The following C2orf76 variants were observed in gnomAD, a reference collection of about 807,000 sequenced individuals.
C2orf76 encodes chromosome 2 open reading frame 76.
Under a neutral mutation model 16.9 loss-of-function variants are expected in C2orf76, and 23 were observed. The ratio of observed to expected loss-of-function variants is 1.36; its 90% CI spans 0.98 to 1.93. The LOEUF is 1.93. Among genes scored for constraint, C2orf76 ranks in the 30% most tolerant of loss-of-function variants. C2orf76 has a pLI of 0.00. For synonymous variants in C2orf76, 48 were observed against 52.3 expected (o/e 0.92, Z 0.35); for missense variants, 152 against 152.6 (o/e 1.00, Z 0.02).
At chr2:119,361,294 T>C (rs1680737209) in intron 1 of C2orf76, among the ~76,000 whole-genome samples, 1 of 152,240 alleles carries the variant, frequency 6.6e-6, no homozygotes, top group South Asian at 2.1e-4. Context: ...ACACTTTTAT[T>C]ACAATATATG....
At chr2:119,326,904 AAT>A (rs1679525524) in intron 2 of C2orf76, among the ~76,000 whole-genome samples, 1 of 152,172 alleles carries the variant, frequency 6.6e-6, no homozygotes, top group African/African-American at 2.4e-5. Flanking sequence ...CTTATATCTT[AAT>A]ATCTTATAAC....
At chr2:119,292,420 C>A in the C2orf76 span, among the ~76,000 whole-genome samples, 1 of 152,188 alleles carries the variant, frequency 6.6e-6, no homozygotes. Flanking sequence ...CGCCTCCGGG[C>A]ATACGCAGAG....
At chr2:119,282,104 C>T in the C2orf76 span, among the ~76,000 whole-genome samples, 1 of 151,832 alleles carries the variant, frequency 6.6e-6, no homozygotes, top group African/African-American at 2.4e-5. Flanking sequence ...CGAGATCATG[C>T]CATTGCACTC....
chr2:119,294,327 G>A, the C2orf76 span, among the ~76,000 whole-genome samples: 1 of 152,222 alleles, frequency 6.6e-6, no homozygotes, highest in Non-Finnish European at 1.5e-5. Flanking sequence ...TCTCAGCAGA[G>A]TGCTGGACGG....
At chr2:119,346,189 G>A (rs1195687721) in intron 1 of C2orf76, among the ~76,000 whole-genome samples, 1 of 152,042 alleles carries the variant, frequency 6.6e-6, no homozygotes, top group Non-Finnish European at 1.5e-5. Flanking sequence ...TTGCTGGTAG[G>A]AATGTAAAAT....
At chr2:119,352,596 T>C (rs974083282) in intron 1 of C2orf76, among the ~76,000 whole-genome samples, 1 of 152,232 alleles carries the variant, frequency 6.6e-6, no homozygotes, top group African/African-American at 2.4e-5. Context: ...GTCTCTCACT[T>C]CTGTTTTCTG....
intron 2 of C2orf76, among the ~76,000 whole-genome samples, chr2:119,324,742 C>A (rs577207682): frequency 1.3e-5 from 2 of 152,262 alleles, no homozygotes; most frequent in East Asian, 1.9e-4. Context: ...TCCTGCAGCA[C>A]TGAGAAGGGT....
At chr2:119,317,658 A>G (rs544458550) in intron 3 of C2orf76, among the ~76,000 whole-genome samples, 155 bp from the exon 4 acceptor site, 30 of 152,292 alleles carry the variant, frequency 2.0e-4, no homozygotes, top group African/African-American at 7.0e-4. Flanking sequence ...GCAAAAGAAA[A>G]ATTACTTCTG....
upstream of C2orf76, chr2:119,367,045 G>A: frequency 6.2e-7 from 1 of 1,614,078 alleles, no homozygotes; most frequent in Non-Finnish European, 8.5e-7. Context: ...CTTGCAAGTC[G>A]GCCAGGATGT....
At chr2:119,348,046 CA>C (rs1205382710) in intron 1 of C2orf76, among the ~76,000 whole-genome samples, 42,582 of 82,640 alleles carry the variant, frequency 0.52, 7,113 homozygotes, top group East Asian at 0.72. Context: ...GGCTCTGTCT[CA>C]AAAAAAAAAA....
At chr2:119,366,983 A>T (rs554658044), upstream of C2orf76, 1 of 1,606,666 alleles carries the variant, frequency 6.2e-7, no homozygotes, top group Non-Finnish European at 8.5e-7. Flanking sequence ...TGCCAGTGCA[A>T]TCTGGGCGAT....
intron 1 of C2orf76, chr2:119,340,301 A>C: frequency 5.0e-6 from 1 of 201,600 alleles, no homozygotes; most frequent in Non-Finnish European, 1.0e-5. Flanking sequence ...GCCGAACACA[A>C]ACACACAGCA....
At chr2:119,294,335 C>T in the C2orf76 span, among the ~76,000 whole-genome samples, 45 of 152,102 alleles carry the variant, frequency 3.0e-4, no homozygotes, top group Non-Finnish European at 2.9e-4. Flanking sequence ...GAGTGCTGGA[C>T]GGAAGCCCTC....
At chr2:119,293,670 C>T in the C2orf76 span, among the ~76,000 whole-genome samples, 3 of 152,142 alleles carry the variant, frequency 2.0e-5, no homozygotes, top group Admixed American at 2.0e-4. Flanking sequence ...GTGCCTTGGA[C>T]CCAGTGGTAG....
intron 2 of C2orf76, among the ~76,000 whole-genome samples, chr2:119,325,050 T>C (rs1679462894): frequency 6.6e-6 from 1 of 150,596 alleles, no homozygotes; most frequent in African/African-American, 2.5e-5. Flanking sequence ...TCTAAGAAAT[T>C]GGTGGCCGAG....
At chr2:119,342,359 C>T (rs549579675) in intron 1 of C2orf76, among the ~76,000 whole-genome samples, 2 of 152,192 alleles carry the variant, frequency 1.3e-5, no homozygotes, top group Non-Finnish European at 2.9e-5. Context: ...CCCTGTAATA[C>T]CTGCACTTTG....
chr2:119,310,822 C>T lies in C2orf76; in HGVS notation c.304+800G>A, dbSNP rs1012460307. Reference sequence around the variant, plus strand: ...CCGGGAGATGGAGGTTGCAGTGAGCCGAGACTGCACCACTGCACTACAGCC... The same window carrying T: ...CCGGGAGATGGAGGTTGCAGTGAGCTGAGACTGCACCACTGCACTACAGCC... On this transcript the variant is annotated intron_variant, in intron 5 of 5. Coordinates refer to ENST00000334816, the MANE Select transcript of C2orf76 (RefSeq NM_001322331.2). Among the ~76,000 whole-genome samples the T allele has an allele frequency of 3.9e-5, 6 of 152,134 alleles. No individual in the cohort carries two copies. In the Middle Eastern group the frequency reaches 0.014, roughly 345 times the overall value.
intron 3 of C2orf76, among the ~76,000 whole-genome samples, chr2:119,319,650 C>T (rs890865300): frequency 1.3e-5 from 2 of 152,024 alleles, no homozygotes; most frequent in South Asian, 2.1e-4. Flanking sequence ...AAGTAGCATG[C>T]GTGGTAAATC....
At chr2:119,363,154 A>G (rs1680797476) in intron 1 of C2orf76, among the ~76,000 whole-genome samples, 1 of 152,112 alleles carries the variant, frequency 6.6e-6, no homozygotes, top group Non-Finnish European at 1.5e-5. Context: ...GCCAGGCGAC[A>G]TGGCTCACGC....
Sources: gnomAD v4.1 joint callset for allele counts (sites outside exome capture counted in the v4.1 genomes callset) on GRCh38, gnomAD v4.1.1 for gene constraint, MANE v1.5 for transcripts, NCBI Gene and HGNC (gene_info 2026-07-23, HGNC 2026-07-21) for gene names.